The following GABBR2 variants were observed in gnomAD, a reference collection of about 807,000 sequenced individuals.
GABBR2 encodes the protein G-protein coupled receptor 51.
Under a neutral mutation model 105.6 loss-of-function variants are expected in GABBR2, and 23 were observed. That is an observed-to-expected ratio of 0.22 (90% CI 0.16 to 0.31). The LOEUF (loss-of-function observed/expected upper bound fraction) is 0.31. Ranked by LOEUF, GABBR2 falls within the 10% of genes least tolerant of loss-of-function variation. GABBR2 has a pLI of 1.00. For missense variants in GABBR2, 734 were observed against 1,245.5 expected (o/e 0.59, Z 6.18); for synonymous variants, 478 against 499.7 (o/e 0.96, Z 0.58).
At chr9:98,671,022 T>C (rs1830400263) in intron 1 of GABBR2, among the ~76,000 whole-genome samples, 2 of 152,100 alleles carry the variant, frequency 1.3e-5, no homozygotes, top group East Asian at 1.9e-4. Flanking sequence ...ATTAAAAAAA[T>C]GGAAAATGCA....
At chr9:98,660,341 T>C (rs142827050) in intron 1 of GABBR2, among the ~76,000 whole-genome samples, 34 of 152,364 alleles carry the variant, frequency 2.2e-4, no homozygotes, top group African/African-American at 7.5e-4. Flanking sequence ...TCCACCAGTA[T>C]GAAAATACGT....
intron 12 of GABBR2, among the ~76,000 whole-genome samples, chr9:98,363,115 C>G (rs892904746): frequency 6.6e-6 from 1 of 152,190 alleles, no homozygotes; most frequent in South Asian, 2.1e-4. Context: ...TTTTCACCCT[C>G]CAGGTCTCTG....
At chr9:98,331,975 A>G (rs1296261579) in intron 13 of GABBR2, among the ~76,000 whole-genome samples, 2 of 152,212 alleles carry the variant, frequency 1.3e-5, no homozygotes, top group Non-Finnish European at 2.9e-5. Context: ...CAGGTGCTGG[A>G]GATAACAACA....
chr9:98,402,138 C>A (rs1832405110), intron 8 of GABBR2, among the ~76,000 whole-genome samples: 1 of 152,142 alleles, frequency 6.6e-6, no homozygotes, highest in African/African-American at 2.4e-5. Context: ...AATTCAAGCA[C>A]ATTATCATTC....
At chr9:98,498,150 G>T (rs1827321738) in intron 3 of GABBR2, among the ~76,000 whole-genome samples, 1 of 151,198 alleles carries the variant, frequency 6.6e-6, no homozygotes, top group Admixed American at 6.6e-5. Context: ...AATATTGTAT[G>T]ACTCTATTCA....
chr9:98,664,006 C>T (rs1354581863), intron 1 of GABBR2, among the ~76,000 whole-genome samples: 1 of 152,120 alleles, frequency 6.6e-6, no homozygotes, highest in Non-Finnish European at 1.5e-5. Flanking sequence ...CGGCCCAGGT[C>T]CAGATCATAA....
intron 16 of GABBR2, 133 bp downstream of exon 16, chr9:98,303,108 G>A: frequency 1.5e-6 from 1 of 648,554 alleles, no homozygotes; most frequent in Non-Finnish European, 2.6e-6. Context: ...GGCTCTCGCA[G>A]CTGCAACTGC....
intron 4 of GABBR2, among the ~76,000 whole-genome samples, chr9:98,493,184 T>C (rs988040419): frequency 6.6e-6 from 1 of 152,232 alleles, no homozygotes; most frequent in Non-Finnish European, 1.5e-5. Context: ...TTGGGAGCTC[T>C]TTCAATTGGC....
intron 3 of GABBR2, among the ~76,000 whole-genome samples, chr9:98,498,543 T>A (rs1588196541): frequency 6.6e-6 from 1 of 152,198 alleles, no homozygotes; most frequent in East Asian, 1.9e-4. Flanking sequence ...TGATGGGAGC[T>A]GCCATCTTTT....
intron 3 of GABBR2, among the ~76,000 whole-genome samples, chr9:98,513,841 C>G (rs1233318816): frequency 1.3e-5 from 2 of 152,166 alleles, no homozygotes; most frequent in Non-Finnish European, 2.9e-5. Flanking sequence ...TTGTGGAAGT[C>G]AGTGCGGCGA....
chr9:98,469,918 G>A (rs1826634231), intron 6 of GABBR2, among the ~76,000 whole-genome samples: 1 of 152,168 alleles, frequency 6.6e-6, no homozygotes. Flanking sequence ...GCTGACCGTG[G>A]CCCCAAGCAG....
chr9:98,515,640 G>T (rs1173345881), intron 3 of GABBR2, among the ~76,000 whole-genome samples: 3 of 151,980 alleles, frequency 2.0e-5, no homozygotes, highest in African/African-American at 7.3e-5. Context: ...ACAGCAAAAG[G>T]CATAGGTGCA....
intron 2 of GABBR2, among the ~76,000 whole-genome samples, chr9:98,564,056 A>C (rs1828716843): frequency 6.6e-6 from 1 of 152,222 alleles, no homozygotes; most frequent in Non-Finnish European, 1.5e-5. Flanking sequence ...CTGAATGAGT[A>C]ATAAGTTTAA....
intron 1 of GABBR2, among the ~76,000 whole-genome samples, chr9:98,703,769 C>T (rs1267424733): frequency 4.0e-5 from 6 of 151,770 alleles, no homozygotes; most frequent in Non-Finnish European, 8.8e-5. Context: ...GCTGAGATTA[C>T]AGGCATGAGC....
intron 2 of GABBR2, among the ~76,000 whole-genome samples, chr9:98,567,952 A>C (rs1005565597): frequency 2.0e-5 from 3 of 152,118 alleles, no homozygotes; most frequent in Admixed American, 6.5e-5. Flanking sequence ...CAGGCGCTGC[A>C]CTTGTTGAGT....
At position 98,496,511 on chromosome 9, in the gene GABBR2, G is replaced by A. The variant is rs1168707085; in HGVS notation, c.634C>T (p.Arg212Trp). ...TACAGAACTCCAGTCAGGTCATTCC[G>A]CACCTGTCAGCAAAGAGAAAGCAGA... ...TQDVQRFSEV[R>W]NDLTGVLYGE... The change falls in exon 4 of 19, where the codon CGG becomes TGG. Residue 212 changes from arginine (R) to tryptophan (W), a missense_variant. Physicochemically the swap from Arg to Trp is moderately radical, Grantham distance 101 (BLOSUM62 -3). Transcript: ENST00000259455. The A allele has an allele frequency of 1.2e-6, 2 of 1,605,288 alleles. No homozygotes were observed. Among genetic ancestry groups the A allele is most frequent in the Admixed American group, 1.7e-5 (1 of 60,008 alleles).
intron 12 of GABBR2, among the ~76,000 whole-genome samples, chr9:98,368,878 G>T (rs78672481): frequency 9.3e-4 from 142 of 152,274 alleles, no homozygotes; most frequent in African/African-American, 3.3e-3. Context: ...CAGGCTCCTG[G>T]GCTCCTCCCA....
At chr9:98,523,998 T>G (rs1827913680) in intron 3 of GABBR2, among the ~76,000 whole-genome samples, 1 of 46,024 alleles carries the variant, frequency 2.2e-5, no homozygotes. Flanking sequence ...AGAAAGGGCC[T>G]ATAACAAAAA....
intron 6 of GABBR2, among the ~76,000 whole-genome samples, chr9:98,466,903 A>G (rs1826570027): frequency 1.3e-5 from 2 of 152,318 alleles, no homozygotes; most frequent in East Asian, 1.9e-4. Flanking sequence ...TCCTATCTTT[A>G]TGCTCCACAA....
Sources: gnomAD v4.1 joint callset for allele counts (sites outside exome capture counted in the v4.1 genomes callset) on GRCh38, gnomAD v4.1.1 for gene constraint, MANE v1.5 for transcripts, NCBI Gene and HGNC (gene_info 2026-07-23, HGNC 2026-07-21) for gene names.